Variants in CSMD1 observed in about 807,000 individuals in gnomAD.
The protein encoded by CSMD1 is CUB and Sushi multiple domains 1, also known as CUB and sushi domain-containing protein 1.
CSMD1 carries 213 observed loss-of-function variants against 417.5 expected under a neutral mutation model. The observed-to-expected ratio is 0.51, with a 90% CI of 0.46 to 0.57. The LOEUF (loss-of-function observed/expected upper bound fraction) is 0.57, where lower values mean the gene tolerates loss of function less well. Ranked by LOEUF, CSMD1 falls within the 20% of genes least tolerant of loss-of-function variation. The pLI is 0.00. For missense variants in CSMD1, 6,923 were observed against 4,529.7 expected (o/e 1.53, Z -15.17); for synonymous variants, 2,862 against 1,736.8 (o/e 1.65, Z -16.11).
intron 6 of CSMD1, among the ~76,000 whole-genome samples, chr8:3,712,375 G>GGAGAGAGAGA (rs746268570): frequency 2.1e-4 from 24 of 112,354 alleles, no homozygotes; most frequent in South Asian, 5.6e-4. Flanking sequence ...CAAAGAAACA[G>GGAGAGAGAGA]GAGAGAGAGA....
chr8:3,195,891 A>G (rs11136589), intron 33 of CSMD1, among the ~76,000 whole-genome samples: 99,920 of 152,104 alleles, frequency 0.66, 34,163 homozygotes, highest in Non-Finnish European at 0.76. Flanking sequence ...GACTTGGAAT[A>G]TTTAAACTGT....
intron 5 of CSMD1, among the ~76,000 whole-genome samples, chr8:3,785,932 G>A (rs1322713573): frequency 6.6e-6 from 1 of 152,196 alleles, no homozygotes; most frequent in Non-Finnish European, 1.5e-5. Flanking sequence ...TGGAGCCGAG[G>A]AAATGGAAGG....
At chr8:4,132,399 G>A (rs1047624468) in intron 3 of CSMD1, among the ~76,000 whole-genome samples, 2 of 152,056 alleles carry the variant, frequency 1.3e-5, no homozygotes, top group Admixed American at 6.6e-5. Context: ...CTAGTATGGT[G>A]TCTGAAAATG....
At chr8:3,486,207 C>T (rs186552109) in intron 11 of CSMD1, among the ~76,000 whole-genome samples, 15 of 152,222 alleles carry the variant, frequency 9.9e-5, no homozygotes, top group South Asian at 2.1e-4. Flanking sequence ...ATTAAGACAG[C>T]GATGATAACT....
chr8:4,173,612 A>G (rs192265648), intron 3 of CSMD1, among the ~76,000 whole-genome samples: 41 of 152,280 alleles, frequency 2.7e-4, no homozygotes, highest in African/African-American at 9.6e-4. Flanking sequence ...TATTAGATAC[A>G]TAGCTTTGTG....
chr8:4,013,239 C>T (rs939385193), intron 4 of CSMD1, among the ~76,000 whole-genome samples: 3 of 152,156 alleles, frequency 2.0e-5, no homozygotes, highest in African/African-American at 7.2e-5. Flanking sequence ...CTCTCCTATC[C>T]TCTGACTGTC....
At chr8:4,590,889 G>A (rs1043698532) in intron 2 of CSMD1, among the ~76,000 whole-genome samples, 4 of 152,120 alleles carry the variant, frequency 2.6e-5, no homozygotes, top group Admixed American at 6.5e-5. Context: ...AGAACTCATC[G>A]TACACATTTC....
chr8:3,711,191 G>C (rs1350276361), intron 6 of CSMD1, among the ~76,000 whole-genome samples: 1 of 152,172 alleles, frequency 6.6e-6, no homozygotes, highest in Non-Finnish European at 1.5e-5. Context: ...CAAACTTTGA[G>C]GAGCTTTTCC....
chr8:3,993,755 T>G (rs988721846), intron 5 of CSMD1, among the ~76,000 whole-genome samples: 3 of 152,224 alleles, frequency 2.0e-5, no homozygotes, highest in Non-Finnish European at 2.9e-5. Flanking sequence ...GTTCTTGCAT[T>G]TATTATGGCT....
intron 3 of CSMD1, among the ~76,000 whole-genome samples, chr8:4,337,551 C>G (rs1029939012): frequency 6.6e-6 from 1 of 152,018 alleles, no homozygotes; most frequent in Non-Finnish European, 1.5e-5. Flanking sequence ...ATAAACTCAG[C>G]GATGAAGTAC....
chr8:3,004,276 G>C (rs926119616), intron 52 of CSMD1, among the ~76,000 whole-genome samples: 2 of 152,126 alleles, frequency 1.3e-5, no homozygotes, highest in Non-Finnish European at 2.9e-5. Context: ...TTTAGCTTCA[G>C]TTTAAACAAA....
intron 3 of CSMD1, among the ~76,000 whole-genome samples, chr8:4,237,244 C>T (rs1232443712): frequency 1.3e-5 from 2 of 152,044 alleles, no homozygotes; most frequent in African/African-American, 4.8e-5. Flanking sequence ...GACGTCCTGC[C>T]CTTTGGTCCT....
chr8:3,847,442 T>C (rs1803583284), intron 5 of CSMD1, among the ~76,000 whole-genome samples: 1 of 152,022 alleles, frequency 6.6e-6, no homozygotes, highest in South Asian at 2.1e-4. Context: ...GTGGGCAGTT[T>C]TGGGGTCCTG....
At chr8:3,181,859 G>A (rs1821349929) in intron 36 of CSMD1, among the ~76,000 whole-genome samples, 1 of 152,186 alleles carries the variant, frequency 6.6e-6, no homozygotes, top group Non-Finnish European at 1.5e-5. Context: ...ACCAGGGTAA[G>A]AAAGAAGTAA....
At chr8:3,396,500 G>A (rs913907619) in intron 16 of CSMD1, 119 bp from the exon 17 acceptor site, 3 of 672,380 alleles carry the variant, frequency 4.5e-6, no homozygotes. Context: ...GAAAATAGTT[G>A]AAATTACATA....
chr8:3,980,388 T>C (rs1348868171), intron 5 of CSMD1, among the ~76,000 whole-genome samples: 1 of 152,170 alleles, frequency 6.6e-6, no homozygotes, highest in Non-Finnish European at 1.5e-5. Flanking sequence ...TGTTGACCTA[T>C]TCCTGGCGGC....
chr8:3,342,215 A>G (rs114789776), intron 23 of CSMD1, among the ~76,000 whole-genome samples: 250 of 152,162 alleles, frequency 1.6e-3, no homozygotes, highest in African/African-American at 5.8e-3. Flanking sequence ...ACAATTCTTC[A>G]CCTGTGATTT....
chr8:3,029,228 T>C (rs1016144318), intron 51 of CSMD1, 91 bp downstream of exon 51: 5 of 991,586 alleles, frequency 5.0e-6, no homozygotes, highest in South Asian at 4.4e-5. Flanking sequence ...TGGTAGATGA[T>C]AGCTCCACTA....
intron 2 of CSMD1, among the ~76,000 whole-genome samples, chr8:4,594,282 C>T (rs1001009923): frequency 2.1e-5 from 3 of 145,764 alleles, no homozygotes; most frequent in Non-Finnish European, 4.5e-5. Context: ...CAGCTCACTG[C>T]AACCTCTGAC....
Sources: gnomAD v4.1 joint callset for allele counts (sites outside exome capture counted in the v4.1 genomes callset) on GRCh38, gnomAD v4.1.1 for gene constraint, MANE v1.5 for transcripts, NCBI Gene and HGNC (gene_info 2026-07-23, HGNC 2026-07-21) for gene names.